The following LASP1 variants were observed in gnomAD, a reference collection of about 807,000 sequenced individuals.
LASP1 encodes LIM and SH3 protein 1.
A neutral mutation model predicts 38.6 loss-of-function variants in LASP1; 10 were observed. The ratio of observed to expected loss-of-function variants is 0.26; its 90% confidence interval spans 0.16 to 0.44. LASP1 has a LOEUF of 0.44. Among genes scored for constraint, LASP1 ranks in the 20% least tolerant of loss-of-function variants. LASP1 has a pLI of 1.00. For missense variants in LASP1, 243 were observed against 375.7 expected (o/e 0.65, Z 2.92); for synonymous variants, 132 against 140.8 (o/e 0.94, Z 0.44).
chr17:38,878,622 C>A (rs749075127), intron 2 of LASP1, among the ~76,000 whole-genome samples: 2 of 152,152 alleles, frequency 1.3e-5, no homozygotes, highest in Non-Finnish European at 2.9e-5. Context: ...TTATTTCTCT[C>A]CTCAAAATCG....
chr17:38,895,578 A>G (rs1914463677), intron 3 of LASP1, among the ~76,000 whole-genome samples: 1 of 151,972 alleles, frequency 6.6e-6, no homozygotes, highest in African/African-American at 2.4e-5. Context: ...TGCCTCCCAA[A>G]GTGGTGGGAT....
intron 5 of LASP1, 99 bp downstream of exon 5, chr17:38,914,574 C>G (rs1030978625): frequency 2.9e-6 from 4 of 1,399,242 alleles, no homozygotes; most frequent in African/African-American, 2.9e-5. Flanking sequence ...CCTTCCGGAG[C>G]CTTGCTCTTA....
chr17:38,897,060 A>T (rs1914509484), intron 3 of LASP1: 5 of 985,506 alleles, frequency 5.1e-6, no homozygotes, highest in Non-Finnish European at 6.0e-6. Flanking sequence ...ACTGAGGAAG[A>T]GCTGGTGCTA....
intron 4 of LASP1, chr17:38,898,945 C>G (rs1405516611): frequency 1.1e-5 from 4 of 359,970 alleles, no homozygotes; most frequent in Non-Finnish European, 1.1e-5. Flanking sequence ...TTGGCCTCCT[C>G]CCCCACATCA....
chr17:38,882,579 G>A (rs1162744702), intron 2 of LASP1, among the ~76,000 whole-genome samples: 2 of 152,190 alleles, frequency 1.3e-5, no homozygotes, highest in African/African-American at 4.8e-5. Context: ...GGTGGGTGGA[G>A]TGAGCCTGCT....
intron 1 of LASP1, among the ~76,000 whole-genome samples, chr17:38,874,427 G>A (rs779006814): frequency 7.2e-5 from 11 of 151,962 alleles, no homozygotes; most frequent in African/African-American, 1.7e-4. Context: ...GGCTCACAGC[G>A]GTTGTGGAGG....
At chr17:38,907,874 T>C (rs1076438) in intron 4 of LASP1, among the ~76,000 whole-genome samples, 48,740 of 152,106 alleles carry the variant, frequency 0.32, 9,371 homozygotes, top group African/African-American at 0.55. Context: ...GGTCAGGGTT[T>C]GCAGGACCGC....
rs762874743 is a variant in LASP1, at chr17:38,918,628, C to T, written c.636C>T (p.Asp212=). The T allele has an allele frequency of 2.5e-6, 4 of 1,609,524 alleles. No individual in the cohort carries two copies. Among genetic ancestry groups the T allele is most frequent in the South Asian group, 2.2e-5 (2 of 90,764 alleles). ...GGGKRYRAVY[D]YSAADEDEVS... is the part of the protein sequence containing the mutation. ...AGAAGCGGTACCGCGCGGTGTATGA[C>T]TACAGCGCCGCCGACGAGGACGAGG... Residue 212 remains aspartate, a synonymous_variant, in exon 7 of 7, where the codon GAC becomes GAT. Coordinates refer to ENST00000318008, the MANE Select transcript of LASP1 (RefSeq NM_006148.4). The surrounding 1 kb of genome is among the most constrained non-coding windows in gnomAD (Gnocchi z 4.4).
chr17:38,893,599 G>A (rs1431094313), intron 3 of LASP1, among the ~76,000 whole-genome samples: 2 of 152,118 alleles, frequency 1.3e-5, no homozygotes, highest in Non-Finnish European at 2.9e-5. Flanking sequence ...CCTTTTTGCA[G>A]GCCTGTTCTG....
chr17:38,919,920 C>T lies in LASP1; in HGVS notation c.*1142C>T. On this transcript the variant is annotated 3_prime_UTR_variant, in exon 7 of 7. Coordinates refer to ENST00000318008, the MANE Select transcript of LASP1 (RefSeq NM_006148.4). Reference sequence around the variant, plus strand: ...GGCGGGGGTGTGTCTGTAGGTGTCTCTGGGCCTGTGTGTGGGTGGGGTTAT... The same window carrying T: ...GGCGGGGGTGTGTCTGTAGGTGTCTTTGGGCCTGTGTGTGGGTGGGGTTAT... The T allele has an allele frequency of 5.7e-6, 3 of 527,440 alleles. No individual in the cohort carries two copies. The highest frequency in any genetic ancestry group is 3.7e-6 in the Non-Finnish European group (1 of 272,324). 32.7% of individuals were successfully genotyped at this position (527,440 alleles called of 1,614,324 possible). A position where few individuals can be genotyped will look rare whatever the true frequency, so the allele number is the denominator to read the frequency against.
chr17:38,870,472 C>T (rs1001580298), intron 1 of LASP1, among the ~76,000 whole-genome samples: 5 of 152,224 alleles, frequency 3.3e-5, no homozygotes, highest in African/African-American at 1.2e-4. Context: ...TAGCGGGCAG[C>T]CGCTGCTGGA....
intron 3 of LASP1, among the ~76,000 whole-genome samples, 183 bp from the exon 4 acceptor site, chr17:38,898,227 CTT>C (rs1914542465): frequency 6.6e-6 from 1 of 152,198 alleles, no homozygotes; most frequent in Non-Finnish European, 1.5e-5. Flanking sequence ...TTGGTAGTGG[CTT>C]ATTATTACGA....
At chr17:38,875,071 G>GTGTGTGTGTGTGTT (rs1555553206) in intron 1 of LASP1, among the ~76,000 whole-genome samples, 1 of 135,772 alleles carries the variant, frequency 7.4e-6, no homozygotes, top group African/African-American at 2.8e-5. Flanking sequence ...GTGTGTGTGT[G>GTGTGTGTGTGTGTT]TGTGTGTGTG....
intron 1 of LASP1, among the ~76,000 whole-genome samples, chr17:38,873,004 G>A (rs1356565953): frequency 1.3e-5 from 2 of 152,122 alleles, no homozygotes; most frequent in African/African-American, 4.8e-5. Flanking sequence ...GGAGAAACAG[G>A]GTGACCTCAT....
intron 1 of LASP1, among the ~76,000 whole-genome samples, chr17:38,873,377 C>T (rs753218849): frequency 1.3e-5 from 2 of 152,270 alleles, no homozygotes; most frequent in Non-Finnish European, 2.9e-5. Flanking sequence ...TCACAGCAGC[C>T]TCACAAAGTA....
intron 4 of LASP1, among the ~76,000 whole-genome samples, chr17:38,910,804 C>A (rs2143818003): frequency 6.8e-6 from 1 of 148,138 alleles, no homozygotes; most frequent in South Asian, 2.1e-4. Flanking sequence ...CTCACTGCGA[C>A]CTCCGCCTCC....
intron 4 of LASP1, among the ~76,000 whole-genome samples, chr17:38,906,572 A>G (rs1914781064): frequency 6.6e-6 from 1 of 152,012 alleles, no homozygotes; most frequent in South Asian, 2.1e-4. Context: ...AAGAAAAGGA[A>G]ATGAGTAATG....
intron 4 of LASP1, among the ~76,000 whole-genome samples, chr17:38,910,512 G>T (rs904766591): frequency 4.0e-5 from 6 of 151,748 alleles, no homozygotes; most frequent in Middle Eastern, 6.3e-3. Context: ...TTAGCAGCCG[G>T]CTGTGGGCTG....
chr17:38,884,271 C>T (rs987517021), intron 2 of LASP1, among the ~76,000 whole-genome samples: 4 of 151,832 alleles, frequency 2.6e-5, no homozygotes, highest in African/African-American at 4.8e-5. Flanking sequence ...CCTGTGAGCC[C>T]GGAAACCTTG....
Sources: gnomAD v4.1 joint callset for allele counts (sites outside exome capture counted in the v4.1 genomes callset) on GRCh38, gnomAD v4.1.1 for gene constraint, Gnocchi (gnomAD v3.1) non-coding constraint, MANE v1.5 for transcripts, NCBI Gene and HGNC (gene_info 2026-07-23, HGNC 2026-07-21) for gene names.